MEIKIN: variants seen among roughly 807,000 people sequenced by gnomAD.
MEIKIN encodes meiosis-specific kinetochore protein.
chr5:131,893,794 T>C (rs1750982728), intron 8 of MEIKIN, among the ~76,000 whole-genome samples: 1 of 152,218 alleles, frequency 6.6e-6, no homozygotes, highest in African/African-American at 2.4e-5. Context: ...GTCAGATAAG[T>C]AGAGTGCAAA....
intron 9 of MEIKIN, among the ~76,000 whole-genome samples, chr5:131,859,622 C>T (rs889374417): frequency 6.6e-6 from 1 of 152,170 alleles, no homozygotes; most frequent in Non-Finnish European, 1.5e-5. Context: ...GCAGATGCTG[C>T]CATGTTTCCT....
intron 9 of MEIKIN, among the ~76,000 whole-genome samples, chr5:131,873,579 A>G (rs2149626029): frequency 6.6e-6 from 1 of 152,322 alleles, no homozygotes; most frequent in South Asian, 2.1e-4. Context: ...TGTCAACATT[A>G]GACAGATCAA....
intron 8 of MEIKIN, among the ~76,000 whole-genome samples, chr5:131,900,558 A>G (rs1751139789): frequency 6.6e-6 from 1 of 152,058 alleles, no homozygotes; most frequent in Non-Finnish European, 1.5e-5. Flanking sequence ...GAGCATGTGC[A>G]GTGGAGCATA....
At chr5:131,942,123 A>C (rs966497108) in intron 4 of MEIKIN, among the ~76,000 whole-genome samples, 5 of 152,096 alleles carry the variant, frequency 3.3e-5, no homozygotes, top group African/African-American at 1.2e-4. Flanking sequence ...TCCAAATATA[A>C]ACATCAATAT....
At chr5:131,869,585 A>G (rs1326198429) in intron 9 of MEIKIN, among the ~76,000 whole-genome samples, 1 of 152,190 alleles carries the variant, frequency 6.6e-6, no homozygotes. Context: ...CAAAAACAAA[A>G]ACAAAAAAAC....
At chr5:131,888,227 T>C (rs1396088318) in intron 8 of MEIKIN, among the ~76,000 whole-genome samples, 3 of 146,422 alleles carry the variant, frequency 2.0e-5, no homozygotes, top group Non-Finnish European at 3.0e-5. Context: ...ATATACCCAG[T>C]AATGGGATGG....
intron 4 of MEIKIN, 61 bp downstream of exon 4, chr5:131,942,574 T>C (rs538929931): frequency 2.8e-4 from 111 of 397,446 alleles, no homozygotes; most frequent in African/African-American, 1.7e-3. Context: ...GAGATACAGA[T>C]GGATGCTTAT....
chr5:131,862,447 G>T (rs1226259960), intron 9 of MEIKIN, among the ~76,000 whole-genome samples: 3 of 151,370 alleles, frequency 2.0e-5, no homozygotes, highest in Non-Finnish European at 2.9e-5. Context: ...ATTTCTTTCT[G>T]CTCTGATCAT....
intron 4 of MEIKIN, among the ~76,000 whole-genome samples, chr5:131,940,129 T>A (rs1202513126): frequency 6.6e-6 from 1 of 151,984 alleles, no homozygotes; most frequent in Non-Finnish European, 1.5e-5. Flanking sequence ...GTATATAGAG[T>A]GCCACAGAAC....
chr5:131,847,817 C>T (rs559732287), intron 11 of MEIKIN, among the ~76,000 whole-genome samples: 4 of 151,676 alleles, frequency 2.6e-5, no homozygotes, highest in African/African-American at 9.7e-5. Flanking sequence ...AGATATCATA[C>T]AAAGTATTTT....
At chr5:131,830,441 C>T (rs1233551773) in intron 11 of MEIKIN, among the ~76,000 whole-genome samples, 1 of 152,060 alleles carries the variant, frequency 6.6e-6, no homozygotes, top group Non-Finnish European at 1.5e-5. Context: ...AACAAAAAAA[C>T]CTTAAAGACT....
At chr5:131,830,768 T>C (rs1353944875) in intron 11 of MEIKIN, among the ~76,000 whole-genome samples, 1 of 152,128 alleles carries the variant, frequency 6.6e-6, no homozygotes, top group Non-Finnish European at 1.5e-5. Context: ...ATCTAGACTG[T>C]GACAAAGTAA....
At chr5:131,928,837 A>G (rs1751635469) in intron 5 of MEIKIN, among the ~76,000 whole-genome samples, 1 of 152,206 alleles carries the variant, frequency 6.6e-6, no homozygotes, top group South Asian at 2.1e-4. Flanking sequence ...TAAACTGAAG[A>G]GCTTAATAGT....
At chr5:131,897,706 T>A (rs907558408) in intron 8 of MEIKIN, among the ~76,000 whole-genome samples, 1 of 152,190 alleles carries the variant, frequency 6.6e-6, no homozygotes, top group Admixed American at 6.5e-5. Context: ...GCATGCATCA[T>A]GAAGTTTTCA....
At chr5:131,822,295 T>C (rs1402554554) in intron 11 of MEIKIN, among the ~76,000 whole-genome samples, 1 of 152,228 alleles carries the variant, frequency 6.6e-6, no homozygotes, top group Non-Finnish European at 1.5e-5. Flanking sequence ...TTCAATGTTG[T>C]TATTGACAGT....
intron 11 of MEIKIN, among the ~76,000 whole-genome samples, chr5:131,830,543 TGCTCA>T (rs1214061085): frequency 1.3e-5 from 2 of 152,262 alleles, no homozygotes; most frequent in African/African-American, 4.8e-5. Flanking sequence ...GAAAAATATC[TGCTCA>T]GCAAGATTCT....
At chr5:131,818,655 A>G (rs1344236841) in intron 12 of MEIKIN, 85 bp downstream of exon 12, 2 of 385,102 alleles carry the variant, frequency 5.2e-6, no homozygotes, top group African/African-American at 2.1e-5. Flanking sequence ...TTTATAATTG[A>G]ATTTCCTGTG....
At chr5:131,808,940 G>A (rs972606516) in intron 12 of MEIKIN, among the ~76,000 whole-genome samples, 6 of 152,114 alleles carry the variant, frequency 3.9e-5, no homozygotes, top group African/African-American at 1.4e-4. Context: ...GGTAGGCATG[G>A]TAGCACCTGC....
At position 131,820,763 on chromosome 5, in the gene MEIKIN, T is replaced by C. The variant is rs548602863; in HGVS notation, c.976-1900A>G. On this transcript the variant is annotated intron_variant, in intron 11 of 12. Transcript: ENST00000442687. ...TTTGTAGGTTCTATGTGTCTAGAAATTTATCAATTTCTTCTAAATTTTCCA... is the reference window on the plus strand; with the variant it reads ...TTTGTAGGTTCTATGTGTCTAGAAACTTATCAATTTCTTCTAAATTTTCCA... Among the ~76,000 whole-genome samples, 61 of 152,326 alleles carry C rather than the reference T, an allele frequency of 4.0e-4. 1 individual carries two copies. The highest frequency in any genetic ancestry group is 2.2e-3 in the Admixed American group (33 of 15,308).
Sources: gnomAD v4.1 joint callset for allele counts (sites outside exome capture counted in the v4.1 genomes callset) on GRCh38, gnomAD v4.1.1 for gene constraint, MANE v1.5 for transcripts, NCBI Gene and HGNC (gene_info 2026-07-23, HGNC 2026-07-21) for gene names.